Variants in ZPR1 observed in about 807,000 individuals in gnomAD.
ZPR1 encodes the protein ZPR1 zinc finger, also known as zinc finger protein ZPR1.
ZPR1 carries 37 observed loss-of-function variants against 59.6 expected under a neutral mutation model. The observed-to-expected ratio is 0.62, with a 90% CI of 0.48 to 0.82. The LOEUF (loss-of-function observed/expected upper bound fraction) is 0.82. Ranked by LOEUF, ZPR1 falls within the 40% of genes least tolerant of loss-of-function variation. The pLI is 0.00. For missense variants in ZPR1, 527 were observed against 579.9 expected, an observed-to-expected ratio of 0.91 and a Z score of 0.94; for synonymous variants, 191 against 215.2, an observed-to-expected ratio of 0.89 and a Z score of 0.99.
intron 3 of ZPR1, 64 bp from the exon 4 acceptor site, chr11:116,786,645 G>T: frequency 7.1e-7 from 1 of 1,411,328 alleles, no homozygotes; most frequent in South Asian, 1.2e-5. Context: ...GTCCCTGTAT[G>T]ACCCTGGGCA....
intron 10 of ZPR1, 57 bp downstream of exon 10, chr11:116,783,473 A>C: frequency 7.0e-7 from 1 of 1,438,440 alleles, no homozygotes; most frequent in Non-Finnish European, 9.8e-7. Context: ...TCCCCTAGAT[A>C]GAGACAGTTT....
In ZPR1 at chr11:116,779,681, A is replaced by G. The variant is rs1198125021; in HGVS notation, c.1245+91T>C. The G allele has an allele frequency of 5.1e-6, 5 of 975,210 alleles. No individual in the cohort carries two copies. The African/African-American group carries it at 8.2e-5, about 16-fold the overall frequency. 60.4% of individuals were successfully genotyped at this position (975,210 alleles called of 1,614,324 possible). ...CTTGGTAAAAAGCAGTCCATTTAGA[A>G]TCAAGTCTTTCAGTTTCTAGGGAAA... On this transcript the variant is annotated intron_variant, in intron 13 of 13. Transcript: ENST00000227322.
chr11:116,786,132 GTA>G (rs1482754060), intron 4 of ZPR1, among the ~76,000 whole-genome samples: 2 of 152,122 alleles, frequency 1.3e-5, no homozygotes, highest in African/African-American at 4.8e-5. Flanking sequence ...AGATATAATA[GTA>G]TATATATCAG....
chr11:116,786,899 G>T (rs1434095951), intron 3 of ZPR1, 70 bp downstream of exon 3: 10 of 1,252,044 alleles, frequency 8.0e-6, no homozygotes, highest in Non-Finnish European at 1.2e-5. Flanking sequence ...GGCACCAGGG[G>T]GTTTTGCAAG....
In ZPR1 at chr11:116,779,020, C is replaced by G; in HGVS notation, c.1285G>C (p.Glu429Gln). Residue 429 changes from glutamate (E) to glutamine (Q), a missense_variant, in exon 14 of 14, where the codon GAG becomes CAG. Transcript: ENST00000227322. ...TGGTCAAAGGTGCGCTTGTAACGCT[C>G]CACCTTCATCTCAGGATCATCTTCA... ...APEDDPEMKV[E>Q]RYKRTFDQNE... is the part of the protein sequence containing the mutation. The G allele has an allele frequency of 6.2e-7, 1 of 1,614,200 alleles. No homozygotes were observed. The highest frequency in any genetic ancestry group is 8.5e-7 in the Non-Finnish European group (1 of 1,180,042).
Position 116,784,913 on chromosome 11 carries a change from C to G in ZPR1, c.762G>C (p.Gln254His). ...EEEDLRNEVLQFSTNCPECNA... is the reference protein window; with the variant it reads ...EEEDLRNEVLHFSTNCPECNA... ...TGCATTCTGGGCAGTTTGTGCTGAACTGGAGCACCTGGAACACAACATGAG... is the reference window on the plus strand; with the variant it reads ...TGCATTCTGGGCAGTTTGTGCTGAAGTGGAGCACCTGGAACACAACATGAG... The change falls in exon 8 of 14, where the codon CAG (glutamine) becomes CAC (histidine). Residue 254 changes from glutamine to histidine, a missense_variant. Transcript: ENST00000227322. 1 of 1,614,188 alleles carries G rather than the reference C, an allele frequency of 6.2e-7. No homozygotes were observed. Among genetic ancestry groups the G allele is most frequent in the African/African-American group, 1.3e-5 (1 of 75,034 alleles).
At chr11:116,779,934 T>C (rs920959630) in intron 12 of ZPR1, 97 bp from the exon 13 acceptor site, 3 of 550,928 alleles carry the variant, frequency 5.4e-6, no homozygotes, top group Admixed American at 4.4e-5. Flanking sequence ...TTAGGAGATA[T>C]ACCTAATGTA....
In ZPR1 at chr11:116,775,999, T is replaced by C. The variant is rs1170260879; in HGVS notation, c.*2926A>G. 2 of 152,250 alleles carry C rather than the reference T, an allele frequency of 1.3e-5. No homozygotes were observed. Among genetic ancestry groups the C allele is most frequent in the Non-Finnish European group, 2.9e-5 (2 of 68,042 alleles). 9.4% of individuals were successfully genotyped at this position (152,250 alleles called of 1,614,324 possible). On this transcript the variant is annotated 3_prime_UTR_variant, in exon 14 of 14. Transcript: ENST00000227322. ...CCACAGGTGTACAAAGAAGGAAATA[T>C]ACTGATGTTAGAATGAAAGTGTTGC...
intron 9 of ZPR1, 57 bp downstream of exon 9, chr11:116,784,321 G>A: frequency 6.3e-7 from 1 of 1,578,184 alleles, no homozygotes; most frequent in East Asian, 2.2e-5. Flanking sequence ...AAGAATGATA[G>A]TTAAAAGGGG....
In ZPR1 at chr11:116,773,956, A is replaced by T. The variant is rs956948120; in HGVS notation, c.*4969T>A. On this transcript the variant is annotated 3_prime_UTR_variant, in exon 14 of 14. Coordinates refer to ENST00000227322, the MANE Select transcript of ZPR1 (RefSeq NM_003904.5). ...GATTAAGGAAGTTGCTCAACTTCAC[A>T]TAGTCAGAACATGACTCTAGGGAGT... 5 of 152,246 alleles carry T rather than the reference A, an allele frequency of 3.3e-5. No homozygotes were observed. The highest frequency in any genetic ancestry group is 4.8e-5 in the African/African-American group (2 of 41,462). 9.4% of individuals were successfully genotyped at this position (152,246 alleles called of 1,614,324 possible). A position where few individuals can be genotyped will look rare whatever the true frequency, so the allele number is the denominator to read the frequency against.
Position 116,775,456 on chromosome 11 carries a change from CAAAAAAA to C in ZPR1, c.*3462_*3468del, listed in dbSNP as rs556748837. ...CTGGGTGACAGAGCAAGACTGTCTC[CAAAAAAA>C]AAAAAAAAAAAAAAATTAGCCAGGC... On this transcript the variant is annotated 3_prime_UTR_variant, in exon 14 of 14. Transcript: ENST00000227322. 5,183 of 68,024 alleles carry C rather than the reference CAAAAAAA, an allele frequency of 0.076. 166 individuals are homozygous for C. The highest frequency in any genetic ancestry group is 0.2 in the East Asian group (587 of 2,870). The allele number at this position is 68,024 out of a possible 1,614,324, so 4.2% of individuals were successfully genotyped here. A position where few individuals can be genotyped will look rare whatever the true frequency, so the allele number is the denominator to read the frequency against.
At position 116,774,860 on chromosome 11, in the gene ZPR1, A is replaced by G. The variant is rs767447830; in HGVS notation, c.*4065T>C. On this transcript the variant is annotated 3_prime_UTR_variant, in exon 14 of 14. Coordinates refer to ENST00000227322, the MANE Select transcript of ZPR1 (RefSeq NM_003904.5). Reference sequence around the variant, plus strand: ...GCCTCACACTTCTGCTCCAGTGAACACTGCCAGGATAGCCCTCTGAACTTC... The same window carrying G: ...GCCTCACACTTCTGCTCCAGTGAACGCTGCCAGGATAGCCCTCTGAACTTC... 1.3e-5 allele frequency: 2 copies of G among 152,594 alleles called. No homozygotes were observed. Among genetic ancestry groups the G allele is most frequent in the Non-Finnish European group, 2.9e-5 (2 of 68,254 alleles). 9.5% of individuals were successfully genotyped at this position (152,594 alleles called of 1,614,324 possible). A position where few individuals can be genotyped will look rare whatever the true frequency, so the allele number is the denominator to read the frequency against.
rs1271534219 is a variant in ZPR1, at chr11:116,782,262, C to A, written c.1093-18G>T. 6.2e-7 allele frequency: 1 copy of A among 1,606,064 alleles called. No homozygotes were observed. The highest frequency in any genetic ancestry group is 8.5e-7 in the Non-Finnish European group (1 of 1,172,828). On this transcript the variant is annotated intron_variant, in intron 11 of 13. Transcript: ENST00000227322. ...TTGGTCACCTGCAATAAATGATAAT[C>A]CAAACTATGTGAATACTGGCTTTAT...
At chr11:116,785,735 C>T (rs577312765) in intron 5 of ZPR1, 61 bp downstream of exon 5, 1 of 1,612,498 alleles carries the variant, frequency 6.2e-7, no homozygotes, top group East Asian at 2.2e-5. Flanking sequence ...TGGAAAATCC[C>T]AGCAGTCTTA....
chr11:116,777,497 C>T lies in ZPR1; in HGVS notation c.*1428G>A, dbSNP rs1940739206. 6.6e-6 allele frequency: 1 copy of T among 152,212 alleles called. No individual in the cohort carries two copies. The highest frequency in any genetic ancestry group is 1.5e-5 in the Non-Finnish European group (1 of 68,076). The allele number at this position is 152,212 out of a possible 1,614,324, so 9.4% of individuals were successfully genotyped here. ...GCAACACGGTGAAACCCCGTCTCTA[C>T]TAAAATACAAAAGAAATTAGCTGGG... is the stretch of plus-strand genomic sequence containing the variant. On this transcript the variant is annotated 3_prime_UTR_variant, in exon 14 of 14. Transcript: ENST00000227322.
At chr11:116,779,379 A>G (rs992862514) in intron 13 of ZPR1, among the ~76,000 whole-genome samples, 3 of 152,196 alleles carry the variant, frequency 2.0e-5, no homozygotes, top group Non-Finnish European at 4.4e-5. Context: ...TAAGTATCCA[A>G]TAAATGGTAA....
rs373040448 is a variant in ZPR1, at chr11:116,787,165, C to G, written c.334-106G>C. 10 of 1,008,520 alleles carry G rather than the reference C, an allele frequency of 9.9e-6. No individual in the cohort carries two copies. The East Asian group carries it at 1.9e-4, about 19-fold the overall frequency. 62.5% of individuals were successfully genotyped at this position (1,008,520 alleles called of 1,614,324 possible). A position where few individuals can be genotyped will look rare whatever the true frequency, so the allele number is the denominator to read the frequency against. ...ATCAGACCGCAGCCCAGCTGTCTCT[C>G]CCTCTCGCCACTCCACAGGGTCCAG... is the stretch of plus-strand genomic sequence containing the variant. On this transcript the variant is annotated intron_variant, in intron 2 of 13. Coordinates refer to ENST00000227322, the MANE Select transcript of ZPR1 (RefSeq NM_003904.5).
At chr11:116,787,290 C>T (rs1940902511) in intron 2 of ZPR1, 192 bp downstream of exon 2, 2 of 693,654 alleles carry the variant, frequency 2.9e-6, no homozygotes, top group Non-Finnish European at 4.8e-6. Context: ...CCTCAGACAA[C>T]ATTTACAAAG....
In ZPR1 at chr11:116,787,953, C is replaced by T; in HGVS notation, c.38G>A (p.Gly13Glu). ...GGCGGGCGACGGGGCGACGGCAGCC[C>T]CCGGGGGCCCTGGTTCCACAGCCCC... ...ASGAVEPGPP[G>E]AAVAPSPAPA... Residue 13 changes from glycine (G) to glutamate (E), a missense_variant, in exon 1 of 14, where the codon GGG becomes GAG. Coordinates refer to ENST00000227322, the MANE Select transcript of ZPR1 (RefSeq NM_003904.5). 1 of 1,457,788 alleles carries T rather than the reference C, an allele frequency of 6.9e-7. No individual in the cohort carries two copies. The highest frequency in any genetic ancestry group is 2.7e-5 in the East Asian group (1 of 36,970). 90.3% of individuals were successfully genotyped at this position (1,457,788 alleles called of 1,614,324 possible). A position where few individuals can be genotyped will look rare whatever the true frequency, so the allele number is the denominator to read the frequency against.
Sources: gnomAD v4.1 joint callset for allele counts (sites outside exome capture counted in the v4.1 genomes callset) on GRCh38, gnomAD v4.1.1 for gene constraint, MANE v1.5 for transcripts, NCBI Gene and HGNC (gene_info 2026-07-23, HGNC 2026-07-21) for gene names.